C1orf185: variants seen among roughly 807,000 people sequenced by gnomAD.
The protein encoded by C1orf185 is chromosome 1 open reading frame 185.
C1orf185 carries 13 observed loss-of-function variants against 16.1 expected under a neutral mutation model. That is an observed-to-expected ratio of 0.81 (90% CI 0.53 to 1.28). The LOEUF (loss-of-function observed/expected upper bound fraction) is 1.28, where lower values mean the gene tolerates loss of function less well. C1orf185 is among the 50% of genes most tolerant of loss of function. The pLI, the probability that C1orf185 is intolerant of heterozygous loss-of-function variation, is 0.00. For missense variants in C1orf185, 220 were observed against 225.2 expected, an observed-to-expected ratio of 0.98 and a Z score of 0.15; for synonymous variants, 80 against 76.9, an observed-to-expected ratio of 1.04 and a Z score of -0.21.
chr1:51,111,370 C>CTTTTTTTTTTTTTTTTT lies in C1orf185; in HGVS notation c.17-1091_17-1090insTTTTTTTTTTTTTTTTT, dbSNP rs35232347. ...ATATTGCTTTCATTTAGCTTTCTTT[C>CTTTTTTTTTTTTTTTTT]TTTCTTTTTTTTTTTTTTTGAGAGA... is the stretch of plus-strand genomic sequence containing the variant. On this transcript the variant is annotated intron_variant, in intron 1 of 4. Coordinates refer to ENST00000371759, the MANE Select transcript of C1orf185 (RefSeq NM_001136508.2). Among the ~76,000 whole-genome samples the CTTTTTTTTTTTTTTTTT allele has an allele frequency of 2.8e-4, 32 of 114,414 alleles. 5 individuals carry two copies. Among genetic ancestry groups the CTTTTTTTTTTTTTTTTT allele is most frequent in the African/African-American group, 8.0e-4 (22 of 27,342 alleles). The allele number at this position is 114,414 out of a possible 152,430, so 75.1% of individuals were successfully genotyped here.
chr1:51,103,899 A>G (rs1411170561), intron 1 of C1orf185, among the ~76,000 whole-genome samples: 1 of 152,220 alleles, frequency 6.6e-6, no homozygotes, highest in Non-Finnish European at 1.5e-5. Flanking sequence ...GTGAGATAGT[A>G]TGATTCTCAT....
chr1:51,140,232 G>T (rs72892498), intron 3 of C1orf185, among the ~76,000 whole-genome samples: 1 of 152,068 alleles, frequency 6.6e-6, no homozygotes, highest in African/African-American at 2.4e-5. Context: ...TTCTGTTTGT[G>T]CAAATTACAT....
At chr1:51,127,512 C>T (rs1395891177) in intron 3 of C1orf185, among the ~76,000 whole-genome samples, 1 of 152,188 alleles carries the variant, frequency 6.6e-6, no homozygotes, top group African/African-American at 2.4e-5. Flanking sequence ...TCTCGAGCTC[C>T]TGACCTCAGG....
chr1:51,108,261 AT>A (rs1424519290), intron 1 of C1orf185, among the ~76,000 whole-genome samples: 1 of 151,932 alleles, frequency 6.6e-6, no homozygotes, highest in Non-Finnish European at 1.5e-5. Context: ...TTTATTGGCC[AT>A]TTAGATTCTC....
At chr1:51,151,585 T>C (rs966287977), downstream of C1orf185, among the ~76,000 whole-genome samples, 5 of 152,236 alleles carry the variant, frequency 3.3e-5, no homozygotes, top group African/African-American at 1.2e-4. Flanking sequence ...TACTGGAAGC[T>C]GTGCCTCAGC....
Position 51,147,661 on chromosome 1 carries a change from A to G in C1orf185, c.490A>G (p.Asn164Asp). ...TTCTGATGATTCTCTAGTGAAAAGGAACTCTCCAATGCCTTCTCTCGGGGA... is the reference window on the plus strand; with the variant it reads ...TTCTGATGATTCTCTAGTGAAAAGGGACTCTCCAATGCCTTCTCTCGGGGA... ...WFSDDSLVKRNSPMPSLGEPL... is the reference protein window; with the variant it reads ...WFSDDSLVKRDSPMPSLGEPL... The change falls in exon 5 of 5, where the codon AAC becomes GAC. Residue 164 changes from asparagine (N) to aspartate (D), a missense_variant. Asn to Asp is a conservative substitution (Grantham distance 23, BLOSUM62 1). Coordinates refer to ENST00000371759, the MANE Select transcript of C1orf185 (RefSeq NM_001136508.2). 6.4e-7 allele frequency: 1 copy of G among 1,551,492 alleles called. No homozygotes were observed. Among genetic ancestry groups the G allele is most frequent in the South Asian group, 1.2e-5 (1 of 84,042 alleles).
At chr1:51,103,643 C>T (rs976095064) in intron 1 of C1orf185, among the ~76,000 whole-genome samples, 2 of 151,402 alleles carry the variant, frequency 1.3e-5, no homozygotes, top group Admixed American at 6.6e-5. Flanking sequence ...AAGCAATTCT[C>T]CTGCCTCAGC....
intron 2 of C1orf185, among the ~76,000 whole-genome samples, chr1:51,116,315 CTTT>C (rs59140209): frequency 1.5e-5 from 2 of 137,324 alleles, no homozygotes. Context: ...TCACCCTACC[CTTT>C]TTTTTTTTTT....
At chr1:51,119,002 T>A (rs912597094) in intron 3 of C1orf185, among the ~76,000 whole-genome samples, 3 of 152,166 alleles carry the variant, frequency 2.0e-5, no homozygotes, top group Non-Finnish European at 4.4e-5. Flanking sequence ...TATCTTCATA[T>A]CTCTAGCCCA....
chr1:51,138,650 C>T (rs1211857574), intron 3 of C1orf185, among the ~76,000 whole-genome samples: 2 of 151,256 alleles, frequency 1.3e-5, no homozygotes, highest in Non-Finnish European at 2.9e-5. Flanking sequence ...CCTTCACCTC[C>T]CAAAGTGCTG....
chr1:51,109,206 C>T (rs1368057576), intron 1 of C1orf185, among the ~76,000 whole-genome samples: 1 of 152,170 alleles, frequency 6.6e-6, no homozygotes, highest in East Asian at 1.9e-4. Context: ...ACCTGTTGGT[C>T]ATTTGTACGT....
intron 3 of C1orf185, among the ~76,000 whole-genome samples, chr1:51,137,966 C>T (rs928692407): frequency 1.3e-5 from 2 of 152,184 alleles, no homozygotes; most frequent in Admixed American, 6.5e-5. Context: ...AAACCAAATA[C>T]TGCATGTTCT....
intron 1 of C1orf185, among the ~76,000 whole-genome samples, chr1:51,110,694 C>A (rs1175154107): frequency 6.6e-6 from 1 of 152,212 alleles, no homozygotes; most frequent in African/African-American, 2.4e-5. Context: ...CTCGGCTGAG[C>A]GTGATGGCTT....
chr1:51,118,945 T>C lies in C1orf185; in HGVS notation c.258+144T>C, dbSNP rs773618404. ...GACAAACTAGTTAGAGTTTATACTA[T>C]AGGAAAACTGAAAAGCTAAATGAAA... On this transcript the variant is annotated intron_variant, in intron 3 of 4. Transcript: ENST00000371759. The C allele has an allele frequency of 6.3e-5, 39 of 619,706 alleles. No individual in the cohort carries two copies. The Admixed American group carries it at 9.5e-4, about 15-fold the overall frequency. The allele number at this position is 619,706 out of a possible 1,614,324, so 38.4% of individuals were successfully genotyped here. A position where few individuals can be genotyped will look rare whatever the true frequency, so the allele number is the denominator to read the frequency against.
intron 3 of C1orf185, among the ~76,000 whole-genome samples, chr1:51,121,210 C>G (rs757671079): frequency 4.6e-5 from 7 of 151,968 alleles, no homozygotes; most frequent in Non-Finnish European, 1.0e-4. Flanking sequence ...GAATCTATTC[C>G]TCTTATCTAA....
At chr1:51,122,382 G>A (rs1646203914) in intron 3 of C1orf185, among the ~76,000 whole-genome samples, 1 of 152,014 alleles carries the variant, frequency 6.6e-6, no homozygotes, top group African/African-American at 2.4e-5. Flanking sequence ...GCATTTTCAG[G>A]CTTCTAAATT....
intron 3 of C1orf185, among the ~76,000 whole-genome samples, chr1:51,124,250 T>A (rs1002971705): frequency 3.9e-5 from 6 of 152,018 alleles, no homozygotes; most frequent in Admixed American, 1.3e-4. Context: ...CCCGGCTAAT[T>A]TTTGTATTTT....
At chr1:51,116,945 C>G (rs1412459454) in intron 2 of C1orf185, among the ~76,000 whole-genome samples, 1 of 152,188 alleles carries the variant, frequency 6.6e-6, no homozygotes, top group Non-Finnish European at 1.5e-5. Flanking sequence ...ACCTCTCTAA[C>G]CAGGTTAATT....
At chr1:51,133,776 C>T (rs140666206) in intron 3 of C1orf185, among the ~76,000 whole-genome samples, 634 of 152,376 alleles carry the variant, frequency 4.2e-3, no homozygotes, top group Non-Finnish European at 5.2e-3. Context: ...CCACATGGCA[C>T]ATACTCTAAA....
Sources: gnomAD v4.1 joint callset for allele counts (sites outside exome capture counted in the v4.1 genomes callset) on GRCh38, gnomAD v4.1.1 for gene constraint, MANE v1.5 for transcripts, NCBI Gene and HGNC (gene_info 2026-07-23, HGNC 2026-07-21) for gene names.